CADM2: variants seen among roughly 807,000 people sequenced by gnomAD.
The protein encoded by CADM2 is immunoglobulin superfamily member 4D.
Under a neutral mutation model 49.8 loss-of-function variants are expected in CADM2, and 12 were observed. That is an observed-to-expected ratio of 0.24 (90% CI 0.15 to 0.39). The LOEUF is 0.39. Among genes scored for constraint, CADM2 ranks in the 10% least tolerant of loss-of-function variants. The pLI, the probability that CADM2 is intolerant of heterozygous loss-of-function variation, is 1.00. For synonymous variants in CADM2, 214 were observed against 175.4 expected (o/e 1.22, Z -1.74); for missense variants, 378 against 492.3 (o/e 0.77, Z 2.20).
At chr3:85,771,199 C>A (rs1285373697) in intron 2 of CADM2, among the ~76,000 whole-genome samples, 1 of 152,140 alleles carries the variant, frequency 6.6e-6, no homozygotes, top group Non-Finnish European at 1.5e-5. Context: ...GGTTACAGTT[C>A]ATTGGGTCAG....
chr3:85,994,202 T>A (rs1409846304), intron 8 of CADM2: 3 of 152,244 alleles, frequency 2.0e-5, no homozygotes, highest in Admixed American at 6.5e-5. Flanking sequence ...AGCTTCTCCA[T>A]CAGCCCTTGT....
intron 1 of CADM2, among the ~76,000 whole-genome samples, chr3:85,242,905 G>A (rs2042562672): frequency 1.3e-5 from 2 of 151,602 alleles, no homozygotes; most frequent in Admixed American, 1.3e-4. Context: ...AATGATATTT[G>A]TTGCTTTTTT....
At position 85,986,680 on chromosome 3, in the gene CADM2, A is replaced by G. The variant is rs150108696; in HGVS notation, c.970+25033A>G. On this transcript the variant is annotated intron_variant, in intron 8 of 9. Transcript: ENST00000383699. ...ATTTTCACTAGTCTTTTAAAAAACA[A>G]TCATGATTATGTTTAGTTGATTAAG... Among the ~76,000 whole-genome samples the G allele has an allele frequency of 2.9e-3, 445 of 152,242 alleles. 1 individual carries two copies. Among genetic ancestry groups the G allele is most frequent in the African/African-American group, 0.01 (420 of 41,568 alleles).
rs116667552 is a variant in CADM2 at position 85,434,063 on chromosome 3, T to G, written c.62-292459T>G. Among the ~76,000 whole-genome samples the G allele has an allele frequency of 2.6e-3, 402 of 152,214 alleles. 2 individuals are homozygous for G. Among genetic ancestry groups the G allele is most frequent in the Middle Eastern group, 0.01 (3 of 294 alleles). Reference sequence around the variant, plus strand: ...AGTATGAGTCGATTAAGTTTAGATTTTGCCAAAATTATTCTCTGCTAATTT... The same window carrying G: ...AGTATGAGTCGATTAAGTTTAGATTGTGCCAAAATTATTCTCTGCTAATTT... On this transcript the variant is annotated intron_variant, in intron 1 of 9. Coordinates refer to ENST00000383699, the MANE Select transcript of CADM2 (RefSeq NM_001167675.2).
intron 1 of CADM2, among the ~76,000 whole-genome samples, chr3:85,474,279 T>G (rs550142850): frequency 1.3e-5 from 2 of 151,952 alleles, no homozygotes; most frequent in South Asian, 4.1e-4. Flanking sequence ...GCTAGAGACC[T>G]AGGTAAGTGT....
At chr3:84,999,989 C>G (rs2033374779) in intron 1 of CADM2, among the ~76,000 whole-genome samples, 2 of 152,096 alleles carry the variant, frequency 1.3e-5, no homozygotes, top group Non-Finnish European at 2.9e-5. Flanking sequence ...TAAAATATTT[C>G]TGAAGAATTT....
chr3:85,049,983 C>A (rs1576115701), intron 1 of CADM2, among the ~76,000 whole-genome samples: 1 of 152,202 alleles, frequency 6.6e-6, no homozygotes, highest in East Asian at 1.9e-4. Context: ...CTTCTTGACT[C>A]CACCTTCTTG....
chr3:85,742,220 G>C (rs2107829499), intron 2 of CADM2, among the ~76,000 whole-genome samples: 1 of 152,276 alleles, frequency 6.6e-6, no homozygotes, highest in South Asian at 2.1e-4. Flanking sequence ...GTCATCTAGT[G>C]GTTCCTATGC....
intron 1 of CADM2, among the ~76,000 whole-genome samples, chr3:85,037,169 CT>C (rs200684877): frequency 0.09 from 13,564 of 151,336 alleles, 840 homozygotes; most frequent in Non-Finnish European, 0.14. Flanking sequence ...AACTCCATCT[CT>C]AAAAAAAACA....
chr3:85,586,490 A>G (rs2062950213), intron 1 of CADM2, among the ~76,000 whole-genome samples: 1 of 152,144 alleles, frequency 6.6e-6, no homozygotes, highest in Non-Finnish European at 1.5e-5. Flanking sequence ...TTCATAATAC[A>G]GTTGCTATTT....
intron 1 of CADM2, among the ~76,000 whole-genome samples, chr3:85,676,791 G>A (rs1338388833): frequency 1.3e-5 from 2 of 151,906 alleles, no homozygotes; most frequent in East Asian, 1.9e-4. Flanking sequence ...GACATTCCCA[G>A]TTGCTTTAAC....
intron 2 of CADM2, among the ~76,000 whole-genome samples, chr3:85,773,326 T>C (rs2070197473): frequency 6.6e-6 from 1 of 151,782 alleles, no homozygotes; most frequent in Non-Finnish European, 1.5e-5. Context: ...AATGGAAGAG[T>C]AAGATGGGCA....
At position 85,770,484 on chromosome 3, in the gene CADM2, A is replaced by C. The variant is rs575156164; in HGVS notation, c.89-31563A>C. 2.6e-5 allele frequency among the ~76,000 whole-genome samples: 4 copies of C among 151,986 alleles called. No homozygotes were observed. In the East Asian group the frequency reaches 7.8e-4, roughly 30 times the overall value. ...ATGCACTACCACCACTAGCTGTTTT[A>C]TTATTATTATTATTTGTAGATAAAG... is the stretch of plus-strand genomic sequence containing the variant. On this transcript the variant is annotated intron_variant, in intron 2 of 9. Transcript: ENST00000383699.
intron 1 of CADM2, among the ~76,000 whole-genome samples, chr3:85,343,394 G>T (rs2030158301): frequency 6.6e-6 from 1 of 152,056 alleles, no homozygotes; most frequent in South Asian, 2.1e-4. Flanking sequence ...AATATCTCTC[G>T]CTTAACTCCC....
intron 2 of CADM2, among the ~76,000 whole-genome samples, chr3:85,784,645 T>G (rs1489309194): frequency 6.6e-6 from 1 of 152,146 alleles, no homozygotes; most frequent in Non-Finnish European, 1.5e-5. Flanking sequence ...AATCTATTGT[T>G]GCACAAAGTG....
At chr3:85,658,615 T>TATACAC (rs2065290831) in intron 1 of CADM2, among the ~76,000 whole-genome samples, 2 of 132,336 alleles carry the variant, frequency 1.5e-5, no homozygotes, top group African/African-American at 5.8e-5. Flanking sequence ...TATATATATA[T>TATACAC]ATACATGTAT....
chr3:85,801,958 G>T (rs1238434689), intron 2 of CADM2, 89 bp from the exon 3 acceptor site: 9 of 1,039,490 alleles, frequency 8.7e-6, no homozygotes, highest in Non-Finnish European at 1.1e-5. Flanking sequence ...ATTTTATTTT[G>T]CATGAGAAGT....
chr3:85,019,215 G>T (rs552461528), intron 1 of CADM2, among the ~76,000 whole-genome samples: 3 of 152,286 alleles, frequency 2.0e-5, no homozygotes, highest in African/African-American at 7.2e-5. Flanking sequence ...AGGTGTGGTG[G>T]CTCAAGCCTA....
At chr3:85,889,219 A>T (rs1328202771) in intron 5 of CADM2, among the ~76,000 whole-genome samples, 2 of 152,164 alleles carry the variant, frequency 1.3e-5, no homozygotes, top group Non-Finnish European at 2.9e-5. Flanking sequence ...TCACTACCTA[A>T]CATATTAATT....
Sources: gnomAD v4.1 joint callset for allele counts (sites outside exome capture counted in the v4.1 genomes callset) on GRCh38, gnomAD v4.1.1 for gene constraint, MANE v1.5 for transcripts, NCBI Gene and HGNC (gene_info 2026-07-23, HGNC 2026-07-21) for gene names.